CELF2: variants seen among roughly 807,000 people sequenced by gnomAD.
CELF2 encodes the protein CUGBP Elav-like family member 2.
A neutral mutation model predicts 62.6 loss-of-function variants in CELF2; 8 were observed. That is an observed-to-expected ratio of 0.13 (90% CI 0.07 to 0.23). The LOEUF (loss-of-function observed/expected upper bound fraction) is 0.23. CELF2 is among the 10% of genes least tolerant of loss of function. The probability of loss-of-function intolerance (pLI) is 1.00; values close to 1 mark genes in which losing one functional copy is unlikely to be tolerated. For synonymous variants in CELF2, 258 were observed against 250.0 expected (o/e 1.03, Z -0.30); for missense variants, 333 against 671.0 (o/e 0.50, Z 5.56).
At chr10:10,565,237 C>T in the CELF2 span, among the ~76,000 whole-genome samples, 1 of 152,308 alleles carries the variant, frequency 6.6e-6, no homozygotes, top group East Asian at 1.9e-4. Context: ...CTGAACAAGT[C>T]CCTTGCAGCC....
At chr10:11,284,788 GTGGATGGATGGTGGGCGGATGA>G (rs931119174) in intron 8 of CELF2, among the ~76,000 whole-genome samples, 5 of 149,654 alleles carry the variant, frequency 3.3e-5, no homozygotes, top group Non-Finnish European at 6.0e-5. Context: ...TGGATGGATG[GTGGATGGATGGTGGGCGGATGA>G]TGGATGGATG....
intron 2 of CELF2, among the ~76,000 whole-genome samples, chr10:11,172,404 T>C (rs1020070571): frequency 2.0e-5 from 3 of 152,242 alleles, no homozygotes; most frequent in Non-Finnish European, 4.4e-5. Context: ...TTAAAAGATA[T>C]AACAATTCAT....
intron 1 of CELF2, among the ~76,000 whole-genome samples, chr10:11,062,943 C>CA (rs2067177070): frequency 6.6e-6 from 1 of 152,134 alleles, no homozygotes. Flanking sequence ...AGCAGCACCC[C>CA]CCCCGCCATC....
the CELF2 span, among the ~76,000 whole-genome samples, chr10:10,708,152 G>A: frequency 0.078 from 11,841 of 152,148 alleles, 509 homozygotes; most frequent in Middle Eastern, 0.13. Context: ...AAGAAAAAAC[G>A]TCAATACATT....
At chr10:10,856,880 T>C (rs977899167) in intron 1 of CELF2, among the ~76,000 whole-genome samples, 3 of 152,142 alleles carry the variant, frequency 2.0e-5, no homozygotes, top group Non-Finnish European at 4.4e-5. Flanking sequence ...GAGAAATTAG[T>C]ACCAGACTTG....
rs1484034622 is a variant in CELF2 at position 11,098,906 on chromosome 10, A to G, written c.75-66580A>G. Among the ~76,000 whole-genome samples the G allele has an allele frequency of 1.3e-5, 2 of 152,230 alleles. No homozygotes were observed. The highest frequency in any genetic ancestry group is 2.9e-5 in the Non-Finnish European group (2 of 68,038). On this transcript the variant is annotated intron_variant, in intron 1 of 12. Transcript: ENST00000633077. This position sits in a 1 kb window ranked among gnomAD's most constrained non-coding sequence, Gnocchi z 4.0. The stretch of plus-strand genomic sequence containing the variant: ...TCTCTCATCCCCTCAGTTTGGGCAC[A>G]GTCCAGCAGGAGAATATTTAAAACT...
intron 1 of CELF2, among the ~76,000 whole-genome samples, chr10:11,121,369 T>C (rs558931864): frequency 3.3e-4 from 51 of 152,310 alleles, no homozygotes; most frequent in Non-Finnish European, 6.3e-4. Flanking sequence ...CAAATTCTTC[T>C]GATGCCAAAC....
the CELF2 span, among the ~76,000 whole-genome samples, chr10:10,691,988 G>A: frequency 6.6e-6 from 1 of 151,804 alleles, no homozygotes; most frequent in Non-Finnish European, 1.5e-5. Flanking sequence ...GTTCCTTTTT[G>A]CTGTGCAGAA....
At chr10:10,793,899 G>C (rs899343293), upstream of CELF2, among the ~76,000 whole-genome samples, 1 of 152,074 alleles carries the variant, frequency 6.6e-6, no homozygotes, top group Non-Finnish European at 1.5e-5. Context: ...ATTTAGCAGA[G>C]GGTTGCCAGA....
intron 2 of CELF2, chr10:10,946,042 G>A (rs558098585): frequency 6.5e-6 from 1 of 152,708 alleles, no homozygotes; most frequent in Non-Finnish European, 1.5e-5. Context: ...AAGTAGAGGG[G>A]AACAGGTGCT....
intron 2 of CELF2, among the ~76,000 whole-genome samples, chr10:10,949,652 T>A (rs1285213231): frequency 6.7e-6 from 1 of 149,308 alleles, no homozygotes; most frequent in African/African-American, 2.5e-5. Flanking sequence ...AAAAAAAAAA[T>A]TAGCCAGGCT....
At position 11,311,596 on chromosome 10, in the gene CELF2, A is replaced by T. The variant is rs2140466215; in HGVS notation, c.977-2543A>T. On this transcript the variant is annotated intron_variant, in intron 9 of 12. Transcript: ENST00000633077. The surrounding 1 kb of genome is among the most constrained non-coding windows in gnomAD (Gnocchi z 4.7). ...GCTAATATGTTTACATATTAAAAGAATTTGAAAAGCGAAAAAGCCACTGAT... is the reference window on the plus strand; with the variant it reads ...GCTAATATGTTTACATATTAAAAGATTTTGAAAAGCGAAAAAGCCACTGAT... 6.6e-6 allele frequency among the ~76,000 whole-genome samples: 1 copy of T among 152,352 alleles called. No homozygotes were observed. The highest frequency in any genetic ancestry group is 1.5e-5 in the Non-Finnish European group (1 of 68,032).
chr10:10,779,416 T>C, the CELF2 span, among the ~76,000 whole-genome samples: 2 of 152,296 alleles, frequency 1.3e-5, no homozygotes, highest in East Asian at 1.9e-4. Context: ...GCAGCAAATG[T>C]CTTTATTCTT....
At chr10:11,027,435 G>T (rs1321217516) in intron 1 of CELF2, among the ~76,000 whole-genome samples, 1 of 152,038 alleles carries the variant, frequency 6.6e-6, no homozygotes, top group Non-Finnish European at 1.5e-5. Context: ...TTACATAAGG[G>T]CCCCTTTCCT....
At chr10:10,963,491 G>T (rs995439635) in intron 2 of CELF2, among the ~76,000 whole-genome samples, 1 of 152,150 alleles carries the variant, frequency 6.6e-6, no homozygotes, top group African/African-American at 2.4e-5. Context: ...CGTGAAATTT[G>T]TCAGAAGTGC....
At chr10:11,327,085 T>C (rs911430824) in intron 12 of CELF2, among the ~76,000 whole-genome samples, 10 of 151,610 alleles carry the variant, frequency 6.6e-5, no homozygotes, top group Admixed American at 4.0e-4. Flanking sequence ...GTCACCACGT[T>C]ACCCTAGCAG....
chr10:10,986,297 T>C (rs1284277667), intron 2 of CELF2, among the ~76,000 whole-genome samples: 2 of 150,380 alleles, frequency 1.3e-5, no homozygotes, highest in East Asian at 3.8e-4. Context: ...CCAATAGAGA[T>C]TTTTTCCCTC....
chr10:10,732,605 C>A, the CELF2 span, among the ~76,000 whole-genome samples: 1 of 150,726 alleles, frequency 6.6e-6, no homozygotes, highest in Non-Finnish European at 1.5e-5. Context: ...CTCACTGCAA[C>A]CTCTGTCTCC....
At chr10:11,198,534 T>C (rs1387475864) in intron 2 of CELF2, among the ~76,000 whole-genome samples, 1 of 152,238 alleles carries the variant, frequency 6.6e-6, no homozygotes, top group Admixed American at 6.5e-5. Context: ...TGAACATAGG[T>C]AGACCTCTTG....
Sources: allele counts gnomAD v4.1 joint callset (sites outside exome capture counted in the v4.1 genomes callset), GRCh38; gene constraint gnomAD v4.1.1; non-coding constraint Gnocchi (gnomAD v3.1); transcripts MANE v1.5; gene names NCBI Gene and HGNC (gene_info 2026-07-23, HGNC 2026-07-21).